LPA: variants seen among roughly 807,000 people sequenced by gnomAD.
LPA encodes lipoprotein(a).
In LPA, 199 loss-of-function variants were observed where a neutral mutation model predicts 197.9. That is an observed-to-expected ratio of 1.01 (90% CI 0.90 to 1.13). The LOEUF is 1.13. Ranked by LOEUF, LPA falls within the 50% of genes most tolerant of loss-of-function variation. LPA has a pLI of 0.00. For missense variants in LPA, 1,853 were observed against 1,785.8 expected (o/e 1.04, Z -0.68); for synonymous variants, 715 against 639.5 (o/e 1.12, Z -1.78).
chr6:160,545,603 A>C, intron 32 of LPA, 70 bp from the exon 33 acceptor site: 2 of 858,952 alleles, frequency 2.3e-6, no homozygotes, highest in Non-Finnish European at 4.1e-6. Context: ...TCTAAGGCAC[A>C]CACATTTCAC....
chr6:160,588,302 T>C (rs1778955619), intron 24 of LPA, among the ~76,000 whole-genome samples: 1 of 152,154 alleles, frequency 6.6e-6, no homozygotes, highest in South Asian at 2.1e-4. Context: ...GGAGATCATT[T>C]GGATCCTTTT....
chr6:160,599,349 A>C, intron 20 of LPA, 151 bp downstream of exon 20: 3 of 1,254,868 alleles, frequency 2.4e-6, no homozygotes, highest in East Asian at 2.4e-5. Flanking sequence ...TCTCAAAAAA[A>C]CAAAGTCTTC....
chr6:160,648,612 G>T (rs1277180409), intron 2 of LPA, among the ~76,000 whole-genome samples: 3 of 151,880 alleles, frequency 2.0e-5, no homozygotes, highest in South Asian at 4.1e-4. Flanking sequence ...ATGCATGCGT[G>T]TGTTTTGTAT....
At chr6:160,536,037 T>C (rs1382897561) in intron 37 of LPA, among the ~76,000 whole-genome samples, 3 of 152,168 alleles carry the variant, frequency 2.0e-5, no homozygotes, top group Admixed American at 6.5e-5. Flanking sequence ...CATGGAACAA[T>C]TGGTGCAGGT....
chr6:160,532,452 G>T, intron 38 of LPA, 79 bp downstream of exon 38: 1 of 1,150,430 alleles, frequency 8.7e-7, no homozygotes, highest in Non-Finnish European at 1.3e-6. Flanking sequence ...TCCTGAATTT[G>T]CCACTTTGGG....
chr6:160,548,781 G>A (rs887838780), intron 30 of LPA, 122 bp from the exon 31 acceptor site: 3 of 995,264 alleles, frequency 3.0e-6, no homozygotes, highest in East Asian at 2.5e-5. Context: ...CCCATTAAAG[G>A]TATCATACAA....
chr6:160,650,470 T>C lies in LPA; in HGVS notation c.77A>G (p.Gln26Arg), dbSNP rs1265428461. ...CTGTCCATCACCATGGTAGCAATCC[T>C]GGACCACATGGCTTTGCTCAGGTGC... ...SAAPEQSHVV[Q>R]DCYHGDGQSY... Residue 26 changes from glutamine (Q) to arginine (R), a missense_variant, in exon 2 of 39, where the codon CAG (glutamine) becomes CGG (arginine). Gln to Arg is a conservative substitution (Grantham distance 43, BLOSUM62 1). Around this residue, in one of 3 missense-constraint regions of LPA, gnomAD observed 88 missense variants for 83.0 expected, o/e 1.06. Transcript: ENST00000316300. 6.2e-7 allele frequency: 1 copy of C among 1,613,768 alleles called. No individual in the cohort carries two copies. The highest frequency in any genetic ancestry group is 1.3e-5 in the African/African-American group (1 of 75,018).
At chr6:160,654,614 A>G (rs1780099984) in intron 1 of LPA, among the ~76,000 whole-genome samples, 1 of 152,164 alleles carries the variant, frequency 6.6e-6, no homozygotes, top group Non-Finnish European at 1.5e-5. Context: ...ATATAATACA[A>G]CTATCCTCAT....
chr6:160,578,536 A>T lies in LPA; in HGVS notation c.4458T>A (p.Ala1486=). 1 of 1,613,866 alleles carries T rather than the reference A, an allele frequency of 6.2e-7. No homozygotes were observed. The highest frequency in any genetic ancestry group is 1.1e-5 in the South Asian group (1 of 91,078). ...PTVAPVPSTE[A]PSEQAPPEKS... ...CAAATTTCTTACCTTGTTCAGAAGG[A>T]GCCTCTGTGCTTGGAACCGGGGCCA... The change falls in exon 27 of 39, where the codon GCT becomes GCA. Residue 1486 remains alanine, a synonymous_variant. Coordinates refer to ENST00000316300, the MANE Select transcript of LPA (RefSeq NM_005577.4).
chr6:160,648,388 A>C (rs1779942386), intron 2 of LPA, among the ~76,000 whole-genome samples: 1 of 151,974 alleles, frequency 6.6e-6, no homozygotes, highest in South Asian at 2.1e-4. Context: ...GTGATTTTTT[A>C]ATCTTCTTTA....
rs528764889 is a variant in LPA at position 160,565,625 on chromosome 6, C to T, written c.4632-8054G>A. Among the ~76,000 whole-genome samples, 38 of 152,270 alleles carry T rather than the reference C, an allele frequency of 2.5e-4. No individual in the cohort carries two copies. In the South Asian group the frequency reaches 2.9e-3, roughly 12 times the overall value. ...AAAAATCAGGGTGCCTCTTCTCCTC[C>T]GAAGGAACGCAGCTCCTCACGAGCA... On this transcript the variant is annotated intron_variant, in intron 28 of 38. Transcript: ENST00000316300.
intron 24 of LPA, among the ~76,000 whole-genome samples, 164 bp from the exon 25 acceptor site, chr6:160,586,794 T>C (rs1272014309): frequency 2.0e-5 from 3 of 152,210 alleles, no homozygotes; most frequent in East Asian, 1.9e-4. Context: ...TAAACAACTG[T>C]CAACATTTCA....
chr6:160,607,453 C>A (rs1399704081), intron 16 of LPA, among the ~76,000 whole-genome samples: 1 of 152,062 alleles, frequency 6.6e-6, no homozygotes, highest in Non-Finnish European at 1.5e-5. Flanking sequence ...AACAGTGGGA[C>A]CCATGGCATA....
chr6:160,584,989 G>A lies in LPA; in HGVS notation c.4289+57C>T, dbSNP rs543354924. ...GGAAGTGAGCTTGTAGCATGGGCCA[G>A]CTAAGAGAAATTTTAGTTGACTATT... On this transcript the variant is annotated intron_variant, in intron 26 of 38. Transcript: ENST00000316300. 22 of 1,577,742 alleles carry A rather than the reference G, an allele frequency of 1.4e-5. No individual in the cohort carries two copies. In the East Asian group the frequency reaches 4.5e-4, roughly 32 times the overall value.
At chr6:160,568,604 C>G (rs1010214474) in intron 28 of LPA, among the ~76,000 whole-genome samples, 1 of 152,200 alleles carries the variant, frequency 6.6e-6, no homozygotes, top group African/African-American at 2.4e-5. Flanking sequence ...TCTCACCACT[C>G]CTATTCAACA....
chr6:160,591,684 TG>T (rs1440782352), intron 22 of LPA, among the ~76,000 whole-genome samples: 1 of 152,230 alleles, frequency 6.6e-6, no homozygotes, highest in Non-Finnish European at 1.5e-5. Flanking sequence ...CAAATGGTGA[TG>T]GTTGTACTCC....
intron 16 of LPA, among the ~76,000 whole-genome samples, chr6:160,607,223 C>A (rs1215156384): frequency 6.6e-6 from 1 of 152,090 alleles, no homozygotes; most frequent in African/African-American, 2.4e-5. Context: ...CATGGAAAAG[C>A]ACTGTGCAAA....
At chr6:160,602,379 G>T (rs1364374059) in intron 18 of LPA, among the ~76,000 whole-genome samples, 1 of 152,102 alleles carries the variant, frequency 6.6e-6, no homozygotes, top group East Asian at 1.9e-4. Flanking sequence ...CGTGGATAAG[G>T]TAAGAAACTT....
At chr6:160,602,521 T>C (rs976480498) in intron 18 of LPA, among the ~76,000 whole-genome samples, 8 of 152,232 alleles carry the variant, frequency 5.3e-5, no homozygotes, top group Non-Finnish European at 1.2e-4. Context: ...TAAAAAGATA[T>C]AGAAATTTGA....
Sources: gnomAD v4.1 joint callset for allele counts (sites outside exome capture counted in the v4.1 genomes callset) on GRCh38, gnomAD v4.1.1 for gene constraint, gnomAD v4.1.1 regional missense constraint, MANE v1.5 for transcripts, NCBI Gene and HGNC (gene_info 2026-07-23, HGNC 2026-07-21) for gene names.